CHM: variants seen among roughly 807,000 people sequenced by gnomAD.
CHM encodes the protein CHM Rab escort protein, also known as rab proteins geranylgeranyltransferase component A 1.
Under a neutral mutation model 49.0 loss-of-function variants are expected in CHM, and 10 were observed. The observed-to-expected ratio is 0.20, with a 90% CI of 0.13 to 0.35. CHM has a LOEUF of 0.35. Among genes scored for constraint, CHM ranks in the 10% least tolerant of loss-of-function variants. The pLI is 1.00. For synonymous variants in CHM, 184 were observed against 167.5 expected (o/e 1.10, Z -0.76); for missense variants, 455 against 478.4 (o/e 0.95, Z 0.46).
intron 12 of CHM, among the ~76,000 whole-genome samples, chrX:85,890,732 G>A (rs1308959704): frequency 1.8e-5 from 2 of 111,363 alleles, no homozygotes; most frequent in African/African-American, 3.3e-5. Context: ...GAAAACAGAC[G>A]AATACAGTAA....
intron 14 of CHM, among the ~76,000 whole-genome samples, chrX:85,869,402 C>T (rs1353368354): frequency 9.0e-6 from 1 of 111,066 alleles, no homozygotes; most frequent in Non-Finnish European, 1.9e-5. Flanking sequence ...CTTTTGCCTC[C>T]TCCCCATAGA....
rs764025364 is a variant in CHM at position 85,873,127 on chromosome X, A to G, written c.1695T>C (p.Tyr565=). The G allele has an allele frequency of 2.4e-5, 29 of 1,206,954 alleles. No individual in the cohort carries two copies. Among genetic ancestry groups the G allele is most frequent in the Middle Eastern group, 2.3e-4 (1 of 4,332 alleles). ...RDSSDISRSC[Y]NDLPSNVYVC... Reference sequence around the variant, plus strand: ...CATAAACGTTGGATGGTAAATCATTATAACAGCTCCTGCTGATGTCTGACG... The same window carrying G: ...CATAAACGTTGGATGGTAAATCATTGTAACAGCTCCTGCTGATGTCTGACG... The change falls in exon 14 of 15, where the codon TAT becomes TAC. Residue 565 remains tyrosine (Y), a synonymous_variant. Transcript: ENST00000357749.
intron 11 of CHM, among the ~76,000 whole-genome samples, chrX:85,894,585 C>CTCCAAAA (rs944662354): frequency 9.0e-6 from 1 of 111,457 alleles, no homozygotes; most frequent in Non-Finnish European, 1.9e-5. Flanking sequence ...TTCCAAAATA[C>CTCCAAAA]TCCAAAATCC....
chrX:85,869,199 C>T (rs1044128303), intron 14 of CHM, among the ~76,000 whole-genome samples: 8 of 111,699 alleles, frequency 7.2e-5, no homozygotes, highest in African/African-American at 2.3e-4. Flanking sequence ...ACATGCTTTT[C>T]TCCTTTACCT....
At chrX:85,950,621 AGG>A (rs1929695123) in intron 8 of CHM, among the ~76,000 whole-genome samples, 1 of 111,542 alleles carries the variant, frequency 9.0e-6, no homozygotes, top group Admixed American at 9.5e-5. Context: ...AGAAGAGAAA[AGG>A]AAGAAAAAAC....
rs1430245402 is a variant in CHM, at chrX:85,864,186, T to G, written c.*444A>C. 7.1e-6 allele frequency: 1 copy of G among 140,129 alleles called. No individual in the cohort carries two copies. The highest frequency in any genetic ancestry group is 3.2e-5 in the African/African-American group (1 of 31,445). The allele number at this position is 140,129 out of a possible 1,213,427, so 11.5% of individuals were successfully genotyped here. A position where few individuals can be genotyped will look rare whatever the true frequency, so the allele number is the denominator to read the frequency against. On this transcript the variant is annotated 3_prime_UTR_variant, in exon 15 of 15. Transcript: ENST00000357749. Reference sequence around the variant, plus strand: ...ATACTTTAGTTTTTCTATATGTTTTTATCATTATGTTATGATGCTCTTGTC... The same window carrying G: ...ATACTTTAGTTTTTCTATATGTTTTGATCATTATGTTATGATGCTCTTGTC...
chrX:85,962,342 G>A lies in CHM; in HGVS notation c.702+1323C>T, dbSNP rs148057843. 3.8e-3 allele frequency among the ~76,000 whole-genome samples: 426 copies of A among 112,367 alleles called. 5 individuals carry two copies. Among genetic ancestry groups the A allele is most frequent in the Admixed American group, 0.036 (382 of 10,635 alleles). Reference sequence around the variant, plus strand: ...TCATGACAGGGTCAAAGTAGATGGAGGTGGGAGAGATAGTACGGAAGTATG... The same window carrying A: ...TCATGACAGGGTCAAAGTAGATGGAAGTGGGAGAGATAGTACGGAAGTATG... On this transcript the variant is annotated intron_variant, in intron 5 of 14. Transcript: ENST00000357749.
chrX:85,974,197 T>G (rs1188788623), intron 4 of CHM, among the ~76,000 whole-genome samples: 2 of 112,155 alleles, frequency 1.8e-5, no homozygotes, highest in African/African-American at 6.5e-5. Context: ...TAGTAAAACA[T>G]GTACAGGATC....
At chrX:85,928,549 T>C (rs990797350) in intron 8 of CHM, among the ~76,000 whole-genome samples, 1 of 111,709 alleles carries the variant, frequency 9.0e-6, no homozygotes, top group South Asian at 3.7e-4. Flanking sequence ...TTCAAAAAAA[T>C]AAATAAATAA....
At chrX:86,026,102 C>CTTTTTTTTTTTTATTTTTTTTTTTT (rs1933804364) in intron 2 of CHM, among the ~76,000 whole-genome samples, 1 of 26,767 alleles carries the variant, frequency 3.7e-5, no homozygotes, top group Non-Finnish European at 7.6e-5. Flanking sequence ...AGCAGATTTT[C>CTTTTTTTTTTTTATTTTTTTTTTTT]TTTTTTTTTT....
At chrX:85,971,481 T>C in intron 4 of CHM, 1 of 220,836 alleles carries the variant, frequency 4.5e-6, no homozygotes. Context: ...AGGCAGAGCG[T>C]CTGGAGTTGT....
At chrX:86,006,930 A>G (rs1932870171) in intron 2 of CHM, among the ~76,000 whole-genome samples, 1 of 111,901 alleles carries the variant, frequency 8.9e-6, no homozygotes, top group Non-Finnish European at 1.9e-5. Flanking sequence ...ATATGGAACC[A>G]AAAAAGAGCC....
chrX:86,018,274 C>T (rs774111819), intron 2 of CHM, among the ~76,000 whole-genome samples: 20 of 111,762 alleles, frequency 1.8e-4, no homozygotes, highest in African/African-American at 4.9e-4. Flanking sequence ...CAAATAACCA[C>T]GTGAAAAATG....
At chrX:85,897,936 ACT>A (rs778751878) in intron 11 of CHM, among the ~76,000 whole-genome samples, 1 of 111,313 alleles carries the variant, frequency 9.0e-6, no homozygotes, top group African/African-American at 3.3e-5. Flanking sequence ...CAGAAGATTT[ACT>A]ATGGGGTCTA....
chrX:85,997,965 A>C (rs1403878693), intron 2 of CHM, among the ~76,000 whole-genome samples: 2 of 110,258 alleles, frequency 1.8e-5, no homozygotes, highest in African/African-American at 6.6e-5. Flanking sequence ...AAAAGTGAAG[A>C]AGCTACAAAA....
At chrX:85,914,287 A>G in intron 8 of CHM, among the ~76,000 whole-genome samples, 1 of 110,747 alleles carries the variant, frequency 9.0e-6, no homozygotes, top group East Asian at 2.9e-4. Flanking sequence ...CTTTGTGAGC[A>G]ACTGGACCTG....
At chrX:86,038,753 A>G (rs927023703) in intron 1 of CHM, among the ~76,000 whole-genome samples, 1 of 111,849 alleles carries the variant, frequency 8.9e-6, no homozygotes, top group Admixed American at 9.5e-5. Context: ...CACCTTCATC[A>G]AAAGAAGGTT....
chrX:85,917,535 G>A (rs772399746), intron 8 of CHM, among the ~76,000 whole-genome samples: 1 of 111,396 alleles, frequency 9.0e-6, no homozygotes, highest in Non-Finnish European at 1.9e-5. Flanking sequence ...ACACAACCAC[G>A]CTAGCTCTAT....
At chrX:86,014,966 A>G (rs1316267369) in intron 2 of CHM, among the ~76,000 whole-genome samples, 1 of 112,404 alleles carries the variant, frequency 8.9e-6, no homozygotes, top group Non-Finnish European at 1.9e-5. Flanking sequence ...AAAATGCTAC[A>G]TAACAAAAAA....
Sources: gnomAD v4.1 joint callset for allele counts (sites outside exome capture counted in the v4.1 genomes callset) on GRCh38, gnomAD v4.1.1 for gene constraint, MANE v1.5 for transcripts, NCBI Gene and HGNC (gene_info 2026-07-23, HGNC 2026-07-21) for gene names.